MARK3: variants seen among roughly 807,000 people sequenced by gnomAD.
MARK3 encodes microtubule affinity regulating kinase 3, also known as MAP/microtubule affinity-regulating kinase 3.
MARK3 carries 46 observed loss-of-function variants against 90.1 expected under a neutral mutation model. That is an observed-to-expected ratio of 0.51 (90% CI 0.40 to 0.65). The LOEUF (loss-of-function observed/expected upper bound fraction) is 0.65. Ranked by LOEUF, MARK3 falls within the 30% of genes least tolerant of loss-of-function variation. MARK3 has a pLI of 0.00. For missense variants in MARK3, 818 were observed against 947.2 expected, an observed-to-expected ratio of 0.86 and a Z score of 1.79; for synonymous variants, 321 against 332.6, an observed-to-expected ratio of 0.97 and a Z score of 0.38.
chr14:103,427,316 A>G (rs933964446), intron 2 of MARK3, among the ~76,000 whole-genome samples: 3 of 151,780 alleles, frequency 2.0e-5, no homozygotes, highest in Non-Finnish European at 2.9e-5. Flanking sequence ...CCTGGCCAAC[A>G]TGGTGAAACC....
intron 2 of MARK3, among the ~76,000 whole-genome samples, chr14:103,427,282 C>G (rs936094328): frequency 4.6e-5 from 7 of 151,480 alleles, no homozygotes; most frequent in Non-Finnish European, 1.0e-4. Flanking sequence ...GGTGGATCAC[C>G]TGGGGTCAGG....
intron 2 of MARK3, among the ~76,000 whole-genome samples, chr14:103,426,910 T>A (rs534087095): frequency 1.2e-3 from 156 of 131,764 alleles, no homozygotes; most frequent in African/African-American, 4.6e-3. Context: ...AAAAAAAAAA[T>A]TTTTAAAGTT....
At chr14:103,398,643 G>A (rs2090742895) in intron 1 of MARK3, among the ~76,000 whole-genome samples, 1 of 152,148 alleles carries the variant, frequency 6.6e-6, no homozygotes, top group Non-Finnish European at 1.5e-5. Context: ...AAGGTGCTGG[G>A]ATTACAAGCA....
At chr14:103,443,308 A>G (rs2092909732) in intron 3 of MARK3, among the ~76,000 whole-genome samples, 1 of 152,218 alleles carries the variant, frequency 6.6e-6, no homozygotes, top group South Asian at 2.1e-4. Context: ...GCTGTTCCAG[A>G]ACTTAAGAAG....
chr14:103,406,342 A>C (rs1298706958), intron 2 of MARK3, among the ~76,000 whole-genome samples: 1 of 151,494 alleles, frequency 6.6e-6, no homozygotes, highest in Non-Finnish European at 1.5e-5. Context: ...CTCTTGCCTC[A>C]GCCTCCTGAG....
rs2089759489 is a variant in MARK3, at chr14:103,386,061, A to G, written c.32A>G (p.Asn11Ser). 2 of 1,614,208 alleles carry G rather than the reference A, an allele frequency of 1.2e-6. No homozygotes were observed. Among genetic ancestry groups the G allele is most frequent in the African/African-American group, 2.7e-5 (2 of 75,076 alleles). The change falls in exon 1 of 18, where the codon AAT becomes AGT. Residue 11 changes from asparagine to serine, a missense_variant. Transcript: ENST00000429436. MSTRTPLPTV[N>S]ERDTENHTSH... ...ACTAGGACCCCATTGCCAACGGTGA[A>G]TGAACGAGACACTGAAAACGTAAGT...
intron 3 of MARK3, among the ~76,000 whole-genome samples, chr14:103,445,108 A>G (rs1439246792): frequency 1.3e-5 from 2 of 152,086 alleles, no homozygotes; most frequent in East Asian, 3.8e-4. Flanking sequence ...TAAGGTAGCA[A>G]TGTGGAATCC....
intron 14 of MARK3, among the ~76,000 whole-genome samples, chr14:103,485,080 A>AAAAAAAAAAAAAAAAT: frequency 6.8e-6 from 1 of 146,648 alleles, no homozygotes; most frequent in East Asian, 2.0e-4. Context: ...AAAAAAAAAA[A>AAAAAAAAAAAAAAAAT]TTAGCCAGGC....
intron 14 of MARK3, chr14:103,489,926 A>C (rs2141995090): frequency 6.6e-6 from 1 of 152,328 alleles, no homozygotes; most frequent in Middle Eastern, 3.4e-3. Flanking sequence ...ATTTGCTCTG[A>C]TGAATTTGCC....
At chr14:103,399,723 AAAAAG>A (rs1373030979) in intron 1 of MARK3, among the ~76,000 whole-genome samples, 5 of 151,616 alleles carry the variant, frequency 3.3e-5, no homozygotes, top group African/African-American at 4.8e-5. Context: ...GAAAAAAAAA[AAAAAG>A]AAAGGAATTT....
At chr14:103,493,546 C>G (rs1172200838) in intron 15 of MARK3, among the ~76,000 whole-genome samples, 2 of 152,098 alleles carry the variant, frequency 1.3e-5, no homozygotes, top group Non-Finnish European at 2.9e-5. Context: ...ACAGTGAGTT[C>G]AATCTGAGAA....
At chr14:103,464,329 C>G (rs1356653465) in intron 7 of MARK3, among the ~76,000 whole-genome samples, 1 of 106,546 alleles carries the variant, frequency 9.4e-6, no homozygotes, top group African/African-American at 3.6e-5. Context: ...GACGGAGTCT[C>G]ACTTTGTTGC....
chr14:103,439,366 A>G (rs1196746223), intron 3 of MARK3, among the ~76,000 whole-genome samples: 2 of 152,108 alleles, frequency 1.3e-5, no homozygotes, highest in African/African-American at 2.4e-5. Flanking sequence ...TCACTCATCA[A>G]TGTAGTGTAA....
chr14:103,435,127 G>A (rs980539381), intron 3 of MARK3, among the ~76,000 whole-genome samples: 1 of 152,198 alleles, frequency 6.6e-6, no homozygotes. Flanking sequence ...GGTCTGTCGT[G>A]TAATGACTTT....
At chr14:103,430,683 G>A (rs1440959140) in intron 3 of MARK3, among the ~76,000 whole-genome samples, 9 of 152,164 alleles carry the variant, frequency 5.9e-5, no homozygotes, top group East Asian at 1.9e-4. Flanking sequence ...TTAAAATATC[G>A]GTTTCATGAT....
At chr14:103,415,112 A>AGTAC (rs1031239770) in intron 2 of MARK3, among the ~76,000 whole-genome samples, 3 of 143,722 alleles carry the variant, frequency 2.1e-5, no homozygotes, top group African/African-American at 7.8e-5. Flanking sequence ...AGATCATGCC[A>AGTAC]GTACACTCCA....
chr14:103,452,110 TG>T (rs1320657931), intron 5 of MARK3, 127 bp downstream of exon 5: 2 of 591,248 alleles, frequency 3.4e-6, no homozygotes, highest in Non-Finnish European at 2.9e-6. Context: ...TACGCTAGGA[TG>T]AGAGTCGGAA....
chr14:103,395,395 T>C (rs987798063), intron 1 of MARK3, among the ~76,000 whole-genome samples: 1 of 151,922 alleles, frequency 6.6e-6, no homozygotes, highest in Non-Finnish European at 1.5e-5. Flanking sequence ...TTTTTGTTTG[T>C]TTACTTAGAT....
At chr14:103,396,292 A>C (rs149015526) in intron 1 of MARK3, among the ~76,000 whole-genome samples, 1 of 152,294 alleles carries the variant, frequency 6.6e-6, no homozygotes, top group African/African-American at 2.4e-5. Flanking sequence ...AATACAAATC[A>C]GGATTTTCCA....
Sources: allele counts gnomAD v4.1 joint callset (sites outside exome capture counted in the v4.1 genomes callset), GRCh38; gene constraint gnomAD v4.1.1; transcripts MANE v1.5; gene names NCBI Gene and HGNC (gene_info 2026-07-23, HGNC 2026-07-21).